The following VANGL2 variants were observed in gnomAD, a reference collection of about 807,000 sequenced individuals.
VANGL2 encodes the protein VANGL planar cell polarity protein 2.
A neutral mutation model predicts 50.2 loss-of-function variants in VANGL2; 14 were observed. The observed-to-expected ratio is 0.28, with a 90% CI of 0.18 to 0.44. The LOEUF (loss-of-function observed/expected upper bound fraction) is 0.44. VANGL2 is among the 20% of genes least tolerant of loss of function. VANGL2 has a pLI of 1.00. For missense variants in VANGL2, 533 were observed against 701.5 expected, an observed-to-expected ratio of 0.76 and a Z score of 2.71; for synonymous variants, 295 against 297.2, an observed-to-expected ratio of 0.99 and a Z score of 0.08.
chr1:160,418,840 T>C (rs1039145655), intron 3 of VANGL2, among the ~76,000 whole-genome samples, 162 bp from the exon 4 acceptor site: 3 of 152,232 alleles, frequency 2.0e-5, no homozygotes, highest in African/African-American at 7.2e-5. Context: ...GTAAATACTT[T>C]GATGGTTGCG....
intron 1 of VANGL2, among the ~76,000 whole-genome samples, chr1:160,412,749 C>T (rs534685132): frequency 3.9e-5 from 6 of 152,310 alleles, no homozygotes; most frequent in African/African-American, 1.4e-4. Context: ...GAATAGATTT[C>T]ACATGCTTTC....
At position 160,424,267 on chromosome 1, in the gene VANGL2, A is replaced by G. The variant is rs904524284; in HGVS notation, c.1289A>G (p.His430Arg). ...CAGCACCTTGAATTCTGCATCACGC[A>G]TGACATGACGCCCAAGGTAGGCCTG... is the stretch of plus-strand genomic sequence containing the variant. ...ILQHLEFCIT[H>R]DMTPKAFLER... Residue 430 changes from histidine (H) to arginine (R), a missense_variant, in exon 7 of 8, where the codon CAT (histidine) becomes CGT (arginine). Physicochemically the swap from His to Arg is conservative, Grantham distance 29 (BLOSUM62 0). Coordinates refer to ENST00000368061, the MANE Select transcript of VANGL2 (RefSeq NM_020335.3). 3.7e-6 allele frequency: 6 copies of G among 1,614,062 alleles called. No homozygotes were observed. Among genetic ancestry groups the G allele is most frequent in the Non-Finnish European group, 5.1e-6 (6 of 1,180,026 alleles).
chr1:160,403,403 G>A (rs774243283), intron 1 of VANGL2, among the ~76,000 whole-genome samples: 4 of 152,200 alleles, frequency 2.6e-5, no homozygotes, highest in African/African-American at 7.2e-5. Context: ...CAGTGGCCAC[G>A]TTGGCCCCTC....
intron 2 of VANGL2, 70 bp from the exon 3 acceptor site, chr1:160,415,992 T>A: frequency 6.2e-7 from 1 of 1,613,612 alleles, no homozygotes; most frequent in Non-Finnish European, 8.5e-7. Context: ...GGTGGTAGGG[T>A]AGAGTGGCTG....
chr1:160,402,391 C>T (rs1212422486), intron 1 of VANGL2, among the ~76,000 whole-genome samples: 2 of 152,100 alleles, frequency 1.3e-5, no homozygotes, highest in African/African-American at 4.8e-5. Context: ...TCTAACTCTG[C>T]CCTGACTCTA....
chr1:160,426,735 A>T lies in VANGL2; in HGVS notation c.*1357A>T, dbSNP rs1299618036. The T allele has an allele frequency of 1.3e-5, 2 of 152,378 alleles. No homozygotes were observed. Among genetic ancestry groups the T allele is most frequent in the African/African-American group, 4.8e-5 (2 of 41,426 alleles). The allele number at this position is 152,378 out of a possible 1,614,324, so 9.4% of individuals were successfully genotyped here. A position where few individuals can be genotyped will look rare whatever the true frequency, so the allele number is the denominator to read the frequency against. Reference sequence around the variant, plus strand: ...TGACTCAGACATTTTTGCCAAGGAGAGTAGAATTAGGAAGTACCCATATAC... The same window carrying T: ...TGACTCAGACATTTTTGCCAAGGAGTGTAGAATTAGGAAGTACCCATATAC... On this transcript the variant is annotated 3_prime_UTR_variant, in exon 8 of 8. Transcript: ENST00000368061.
chr1:160,424,388 A>G lies in VANGL2; in HGVS notation c.1305+105A>G, dbSNP rs1651377789. On this transcript the variant is annotated intron_variant, in intron 7 of 7. Coordinates refer to ENST00000368061, the MANE Select transcript of VANGL2 (RefSeq NM_020335.3). ...CACTACTTTCCTCACTGTCCACCTC[A>G]TTTCTCTCTCCTCACCACCTCCTTT... 5 of 1,104,018 alleles carry G rather than the reference A, an allele frequency of 4.5e-6. No individual in the cohort carries two copies. The East Asian group carries it at 1.3e-4, about 28-fold the overall frequency. The allele number at this position is 1,104,018 out of a possible 1,614,324, so 68.4% of individuals were successfully genotyped here. A position where few individuals can be genotyped will look rare whatever the true frequency, so the allele number is the denominator to read the frequency against.
rs1420725488 is a variant in VANGL2, at chr1:160,428,132, A to G, written c.*2754A>G. On this transcript the variant is annotated 3_prime_UTR_variant, in exon 8 of 8. Coordinates refer to ENST00000368061, the MANE Select transcript of VANGL2 (RefSeq NM_020335.3). The stretch of plus-strand genomic sequence containing the variant: ...CTTTCCCATCTCCACTCAGTATTCC[A>G]ATGGCAAACCCTGATGATGTAACAC... The G allele has an allele frequency of 1.3e-5, 2 of 152,386 alleles. No individual in the cohort carries two copies. Among genetic ancestry groups the G allele is most frequent in the African/African-American group, 4.8e-5 (2 of 41,350 alleles). 9.4% of individuals were successfully genotyped at this position (152,386 alleles called of 1,614,324 possible).
chr1:160,423,242 C>T (rs1377733361), intron 6 of VANGL2, among the ~76,000 whole-genome samples: 1 of 151,872 alleles, frequency 6.6e-6, no homozygotes, highest in Non-Finnish European at 1.5e-5. Flanking sequence ...TTTTTTTTTC[C>T]TGCTTCCTCC....
intron 3 of VANGL2, among the ~76,000 whole-genome samples, chr1:160,417,090 A>T (rs1268888745): frequency 6.6e-6 from 1 of 151,960 alleles, no homozygotes; most frequent in Non-Finnish European, 1.5e-5. Context: ...TGGGGAGGAG[A>T]TCCCAAGCCC....
At chr1:160,402,597 C>T (rs1279102733) in intron 1 of VANGL2, among the ~76,000 whole-genome samples, 1 of 152,056 alleles carries the variant, frequency 6.6e-6, no homozygotes, top group Non-Finnish European at 1.5e-5. Context: ...AAAAAGTTTC[C>T]CTTTTCCCTG....
chr1:160,422,904 CTTTT>C (rs377266487), intron 6 of VANGL2, among the ~76,000 whole-genome samples: 4 of 138,986 alleles, frequency 2.9e-5, no homozygotes, highest in African/African-American at 2.6e-5. Context: ...TGTATGTATG[CTTTT>C]TTTTTTTTTT....
Position 160,415,682 on chromosome 1 carries a change from C to T in VANGL2, c.-156C>T. On this transcript the variant is annotated 5_prime_UTR_variant, in exon 2 of 8. Coordinates refer to ENST00000368061, the MANE Select transcript of VANGL2 (RefSeq NM_020335.3). Reference sequence around the variant, plus strand: ...TGGATTTTCTCTGAGACAAGCCCACCCGTCCAGCAAAATAGAGTCCCTCAG... The same window carrying T: ...TGGATTTTCTCTGAGACAAGCCCACTCGTCCAGCAAAATAGAGTCCCTCAG... The T allele has an allele frequency of 2.4e-6, 2 of 839,140 alleles. No homozygotes were observed. Among genetic ancestry groups the T allele is most frequent in the East Asian group, 5.4e-5 (2 of 37,232 alleles). 52.0% of individuals were successfully genotyped at this position (839,140 alleles called of 1,614,324 possible). A position where few individuals can be genotyped will look rare whatever the true frequency, so the allele number is the denominator to read the frequency against.
intron 6 of VANGL2, among the ~76,000 whole-genome samples, chr1:160,423,171 G>A (rs1651329811): frequency 6.6e-6 from 1 of 152,132 alleles, no homozygotes; most frequent in South Asian, 2.1e-4. Context: ...CTCCCAAAGT[G>A]CTGGGATTAT....
rs762335193 is a variant in VANGL2, at chr1:160,416,137, C to T, written c.147C>T (p.Pro49=). 56 of 1,614,044 alleles carry T rather than the reference C, an allele frequency of 3.5e-5. 1 individual carries two copies. The highest frequency in any genetic ancestry group is 1.9e-4 in the South Asian group (17 of 91,078). The part of the protein sequence containing the change: ...RGDKSVTIQA[P]GEPLLDNEST... ...ACAAGTCGGTGACAATCCAGGCTCC[C>T]GGGGAGCCCCTGCTGGACAATGAGT... Residue 49 remains proline (P), a synonymous_variant, in exon 3 of 8, where the codon CCC becomes CCT. Transcript: ENST00000368061.
chr1:160,419,547 C>A lies in VANGL2; in HGVS notation c.738C>A (p.Phe246Leu). ...LLELRQLQPQ[F>L]TLKVVRSTDG... is the part of the protein sequence containing the mutation. ...AGCTGCGCCAGCTCCAGCCTCAGTT[C>A]ACGCTCAAGGTCGTGCGCTCCACCG... The change falls in exon 4 of 8, where the codon TTC (phenylalanine) becomes TTA (leucine). Residue 246 changes from phenylalanine (F) to leucine (L), a missense_variant. By Grantham distance (22) the Phe-to-Leu change is conservative. Coordinates refer to ENST00000368061, the MANE Select transcript of VANGL2 (RefSeq NM_020335.3). This position sits in a 1 kb window ranked among gnomAD's most constrained non-coding sequence, Gnocchi z 5.8. 1 of 1,600,872 alleles carries A rather than the reference C, an allele frequency of 6.2e-7. No individual in the cohort carries two copies. The highest frequency in any genetic ancestry group is 8.5e-7 in the Non-Finnish European group (1 of 1,179,712).
At chr1:160,421,514 T>C (rs1042868936) in intron 6 of VANGL2, among the ~76,000 whole-genome samples, 2 of 152,218 alleles carry the variant, frequency 1.3e-5, no homozygotes, top group African/African-American at 4.8e-5. Context: ...TTCAGTGCCT[T>C]GTCACATAGC....
chr1:160,417,149 G>C (rs986632735), intron 3 of VANGL2, among the ~76,000 whole-genome samples: 4 of 152,130 alleles, frequency 2.6e-5, no homozygotes, highest in Non-Finnish European at 5.9e-5. Context: ...AGAGGGCGGG[G>C]AGCAGACCCA....
At chr1:160,415,181 G>A (rs1313958691) in intron 1 of VANGL2, among the ~76,000 whole-genome samples, 6 of 152,232 alleles carry the variant, frequency 3.9e-5, no homozygotes, top group Admixed American at 2.0e-4. Context: ...AAGTATGAGT[G>A]AGGGGAGGAG....
Sources: allele counts gnomAD v4.1 joint callset (sites outside exome capture counted in the v4.1 genomes callset), GRCh38; gene constraint gnomAD v4.1.1; non-coding constraint Gnocchi (gnomAD v3.1); transcripts MANE v1.5; gene names NCBI Gene and HGNC (gene_info 2026-07-23, HGNC 2026-07-21).